Variants in LPAR1 observed in about 807,000 individuals in gnomAD.
LPAR1 encodes lysophosphatidic acid receptor 1.
A neutral mutation model predicts 23.8 loss-of-function variants in LPAR1; 5 were observed. That is an observed-to-expected ratio of 0.21 (90% CI 0.11 to 0.44). The LOEUF is 0.44. Ranked by LOEUF, LPAR1 falls within the 20% of genes least tolerant of loss-of-function variation. The pLI, the probability that LPAR1 is intolerant of heterozygous loss-of-function variation, is 0.99. For missense variants in LPAR1, 311 were observed against 482.8 expected (o/e 0.64, Z 3.33); for synonymous variants, 160 against 164.7 (o/e 0.97, Z 0.22).
intron 2 of LPAR1, among the ~76,000 whole-genome samples, chr9:110,977,729 A>AC (rs34820153): frequency 0.8 from 120,011 of 149,356 alleles, 48,838 homozygotes; most frequent in Middle Eastern, 0.87. Flanking sequence ...TATGTAAGAA[A>AC]CTGCATGTTC....
intron 4 of LPAR1, among the ~76,000 whole-genome samples, chr9:110,970,878 G>A (rs922684781): frequency 6.6e-6 from 1 of 152,202 alleles, no homozygotes; most frequent in African/African-American, 2.4e-5. Flanking sequence ...GCTCAGGCTT[G>A]TAATCCCAGC....
intron 5 of LPAR1, among the ~76,000 whole-genome samples, chr9:110,888,793 T>G (rs534505690): frequency 6.6e-6 from 1 of 152,206 alleles, no homozygotes; most frequent in East Asian, 1.9e-4. Context: ...ATAGACACAT[T>G]TTGACCATAC....
chr9:110,941,793 C>T lies in LPAR1; in HGVS notation c.421G>A (p.Ala141Thr). 6.2e-7 allele frequency: 1 copy of T among 1,614,152 alleles called. No homozygotes were observed. The highest frequency in any genetic ancestry group is 1.1e-5 in the South Asian group (1 of 91,078). The stretch of plus-strand genomic sequence containing the variant: ...GTAATGTGCCTCTCGATTGCAATAG[C>T]CAGTAAGTTGGCCACAGATGCCGTC... Reference protein sequence around the residue: ...SLTASVANLLAIAIERHITVF... With the variant: ...SLTASVANLLTIAIERHITVF... Residue 141 changes from alanine to threonine, a missense_variant, in exon 5 of 6, where the codon GCT becomes ACT. Ala to Thr is a moderately conservative substitution (Grantham distance 58). Transcript: ENST00000683809. The surrounding 1 kb of genome is among the most constrained non-coding windows in gnomAD (Gnocchi z 6.1).
chr9:110,903,010 C>T (rs2133935218), intron 5 of LPAR1, among the ~76,000 whole-genome samples: 1 of 152,254 alleles, frequency 6.6e-6, no homozygotes, highest in Admixed American at 6.5e-5. Context: ...AAAATTAGGC[C>T]AGGATTTTCT....
intron 5 of LPAR1, among the ~76,000 whole-genome samples, chr9:110,889,936 G>A (rs1384301376): frequency 6.6e-6 from 1 of 152,040 alleles, no homozygotes; most frequent in African/African-American, 2.4e-5. Flanking sequence ...TCAAGAAGTT[G>A]AGCAAAAATA....
chr9:110,960,498 C>G (rs1424523847), intron 4 of LPAR1, among the ~76,000 whole-genome samples: 1 of 152,148 alleles, frequency 6.6e-6, no homozygotes, highest in Non-Finnish European at 1.5e-5. Flanking sequence ...CCAACTTTAT[C>G]TGTAATTACT....
chr9:110,904,487 T>C (rs1246772997), intron 5 of LPAR1, among the ~76,000 whole-genome samples: 1 of 152,180 alleles, frequency 6.6e-6, no homozygotes, highest in African/African-American at 2.4e-5. Flanking sequence ...CAAAGAGGTA[T>C]ACTCAAAGAC....
intron 5 of LPAR1, among the ~76,000 whole-genome samples, chr9:110,891,354 C>T (rs1184361410): frequency 1.3e-5 from 2 of 151,930 alleles, no homozygotes; most frequent in African/African-American, 4.8e-5. Flanking sequence ...GGAACTAGTA[C>T]CATATTCTTG....
chr9:110,925,274 C>A (rs1418183564), intron 5 of LPAR1, among the ~76,000 whole-genome samples: 1 of 149,780 alleles, frequency 6.7e-6, no homozygotes, highest in Non-Finnish European at 1.5e-5. Flanking sequence ...ATAAAATAGT[C>A]CATATATATA....
At chr9:111,034,051 A>G (rs934370061) in intron 2 of LPAR1, among the ~76,000 whole-genome samples, 2 of 152,226 alleles carry the variant, frequency 1.3e-5, no homozygotes, top group African/African-American at 2.4e-5. Flanking sequence ...CACAGAGTGA[A>G]GATAATGAGT....
intron 2 of LPAR1, among the ~76,000 whole-genome samples, chr9:110,984,530 A>G (rs2096739781): frequency 6.6e-6 from 1 of 152,112 alleles, no homozygotes; most frequent in South Asian, 2.1e-4. Context: ...CAGTGCTGCA[A>G]TAAACATGAG....
intron 4 of LPAR1, among the ~76,000 whole-genome samples, chr9:110,956,908 G>C (rs572140496): frequency 6.6e-6 from 1 of 152,252 alleles, no homozygotes; most frequent in South Asian, 2.1e-4. Flanking sequence ...ATCAAAGGGA[G>C]GTGATTTTTC....
At chr9:110,950,065 A>G (rs1050204723) in intron 4 of LPAR1, among the ~76,000 whole-genome samples, 1 of 151,644 alleles carries the variant, frequency 6.6e-6, no homozygotes, top group Non-Finnish European at 1.5e-5. Context: ...AAAAGTAGCT[A>G]TCAAACATGT....
chr9:110,896,989 G>T (rs745383295), intron 5 of LPAR1, among the ~76,000 whole-genome samples: 1 of 151,878 alleles, frequency 6.6e-6, no homozygotes, highest in African/African-American at 2.4e-5. Flanking sequence ...GGGTTTCACC[G>T]TGTTAGCCAG....
Position 110,900,365 on chromosome 9 carries a change from G to C in LPAR1, c.794-24643C>G, listed in dbSNP as rs73655662. Among the ~76,000 whole-genome samples, 573 of 152,204 alleles carry C rather than the reference G, an allele frequency of 3.8e-3. 2 individuals carry two copies. The highest frequency in any genetic ancestry group is 0.013 in the African/African-American group (526 of 41,546). ...AGTCACATCTGAAAAGTATCTTTTT[G>C]TTCCAGGGATAAGGATGTGAGCATC... On this transcript the variant is annotated intron_variant, in intron 5 of 5. Coordinates refer to ENST00000683809, the MANE Select transcript of LPAR1 (RefSeq NM_001351411.2).
chr9:110,919,742 C>T (rs1289502996), intron 5 of LPAR1, among the ~76,000 whole-genome samples: 2 of 152,200 alleles, frequency 1.3e-5, no homozygotes, highest in African/African-American at 4.8e-5. Flanking sequence ...AGAACCATCA[C>T]ATGACACCAC....
At chr9:110,973,727 G>A (rs992935406) in intron 2 of LPAR1, among the ~76,000 whole-genome samples, 169 bp from the exon 3 acceptor site, 16 of 152,230 alleles carry the variant, frequency 1.1e-4, no homozygotes, top group African/African-American at 3.9e-4. Flanking sequence ...TCCAAAGGCT[G>A]ATGTGACTCT....
In LPAR1 at chr9:110,883,541, C is replaced by T. The variant is rs1325999595; in HGVS notation, c.794-7819G>A. On this transcript the variant is annotated intron_variant, in intron 5 of 5. Transcript: ENST00000683809. ...AGAAGCAAAAGCAAGGAAATGCACACACGTAAATAGAATGTCAAGAATAAG... is the reference window on the plus strand; with the variant it reads ...AGAAGCAAAAGCAAGGAAATGCACATACGTAAATAGAATGTCAAGAATAAG... Among the ~76,000 whole-genome samples the T allele has an allele frequency of 3.9e-5, 6 of 152,122 alleles. No individual in the cohort carries two copies. The East Asian group carries it at 7.7e-4, about 20-fold the overall frequency.
In LPAR1 at chr9:110,893,895, GA is replaced by G. The variant is rs2085380617; in HGVS notation, c.794-18174del. ...CTATGCTCCCTGGTCTAAGACGGAGGAAAAAAGAGGAAGGACAGACAGTAGA... is the reference window on the plus strand; with the variant it reads ...CTATGCTCCCTGGTCTAAGACGGAGGAAAAAGAGGAAGGACAGACAGTAGA... On this transcript the variant is annotated intron_variant, in intron 5 of 5. Coordinates refer to ENST00000683809, the MANE Select transcript of LPAR1 (RefSeq NM_001351411.2). Among the ~76,000 whole-genome samples the G allele has an allele frequency of 2.6e-5, 4 of 152,026 alleles. No homozygotes were observed. In the South Asian group the frequency reaches 8.3e-4, roughly 32 times the overall value.
Sources: allele counts gnomAD v4.1 joint callset (sites outside exome capture counted in the v4.1 genomes callset), GRCh38; gene constraint gnomAD v4.1.1; non-coding constraint Gnocchi (gnomAD v3.1); transcripts MANE v1.5; gene names NCBI Gene and HGNC (gene_info 2026-07-23, HGNC 2026-07-21).